Variants in PDE8B observed in about 807,000 individuals in gnomAD.
PDE8B encodes high affinity cAMP-specific and IBMX-insensitive 3',5'-cyclic phosphodiesterase 8B.
PDE8B carries 26 observed loss-of-function variants against 101.3 expected under a neutral mutation model. That is an observed-to-expected ratio of 0.26 (90% CI 0.19 to 0.36). The LOEUF is 0.36. Among genes scored for constraint, PDE8B ranks in the 10% least tolerant of loss-of-function variants. The pLI, the probability that PDE8B is intolerant of heterozygous loss-of-function variation, is 1.00. For synonymous variants in PDE8B, 424 were observed against 429.3 expected (o/e 0.99, Z 0.15); for missense variants, 810 against 1,163.1 (o/e 0.70, Z 4.42).
intron 1 of PDE8B, among the ~76,000 whole-genome samples, chr5:77,305,913 AG>A (rs1771095563): frequency 6.6e-6 from 1 of 152,190 alleles, no homozygotes; most frequent in Admixed American, 6.5e-5. Context: ...GCTTGCCTTA[AG>A]CTGTGTGTGT....
At chr5:77,223,149 C>T (rs979734976) in intron 1 of PDE8B, among the ~76,000 whole-genome samples, 7 of 152,092 alleles carry the variant, frequency 4.6e-5, no homozygotes, top group Admixed American at 4.6e-4. Context: ...AGTACATGTT[C>T]ACTTAACCAG....
intron 1 of PDE8B, among the ~76,000 whole-genome samples, chr5:77,266,107 C>T (rs867201387): frequency 1.3e-5 from 2 of 152,172 alleles, no homozygotes; most frequent in African/African-American, 4.8e-5. Flanking sequence ...GAAGTACAGT[C>T]GATCCTCATT....
At chr5:77,121,090 A>G in the PDE8B span, among the ~76,000 whole-genome samples, 1 of 152,374 alleles carries the variant, frequency 6.6e-6, no homozygotes, top group Non-Finnish European at 1.5e-5. Flanking sequence ...GTGTCTTACA[A>G]CAAACGAACA....
intron 10 of PDE8B, among the ~76,000 whole-genome samples, chr5:77,355,137 G>A (rs1345663202): frequency 2.0e-5 from 3 of 152,174 alleles, no homozygotes; most frequent in Non-Finnish European, 4.4e-5. Context: ...GGGAGAGCAG[G>A]CAAGCCCTTA....
At chr5:77,309,214 AAGGG>A (rs1422819244) in intron 1 of PDE8B, among the ~76,000 whole-genome samples, 23 of 102,698 alleles carry the variant, frequency 2.2e-4, no homozygotes, top group African/African-American at 6.8e-4. Context: ...GAAAGGAAGG[AAGGG>A]AGGGAGGGAG....
At chr5:77,259,064 A>ACCC (rs1759843918) in intron 1 of PDE8B, among the ~76,000 whole-genome samples, 1 of 82,772 alleles carries the variant, frequency 1.2e-5, no homozygotes, top group African/African-American at 4.9e-5. Context: ...ACACACACAC[A>ACCC]CACACCCCCG....
In PDE8B at chr5:77,418,548, C is replaced by T. The variant is rs997078699; in HGVS notation, c.2129+102C>T. 3.4e-5 allele frequency: 28 copies of T among 816,030 alleles called. No individual in the cohort carries two copies. The African/African-American group carries it at 4.2e-4, about 12-fold the overall frequency. The allele number at this position is 816,030 out of a possible 1,614,324, so 50.5% of individuals were successfully genotyped here. A position where few individuals can be genotyped will look rare whatever the true frequency, so the allele number is the denominator to read the frequency against. Reference sequence around the variant, plus strand: ...GGGAAAGGGAAAATATTAGCTGTCCCACTGTACCAGATGATAAAATAACCT... The same window carrying T: ...GGGAAAGGGAAAATATTAGCTGTCCTACTGTACCAGATGATAAAATAACCT... On this transcript the variant is annotated intron_variant, in intron 18 of 21. Transcript: ENST00000264917.
chr5:77,321,084 T>C (rs968679071), intron 2 of PDE8B, among the ~76,000 whole-genome samples: 10 of 151,406 alleles, frequency 6.6e-5, no homozygotes, highest in African/African-American at 2.4e-4. Flanking sequence ...AGGGTGTCCA[T>C]GGGCCATCTC....
At chr5:77,238,398 C>T (rs1403471183) in intron 1 of PDE8B, among the ~76,000 whole-genome samples, 1 of 152,174 alleles carries the variant, frequency 6.6e-6, no homozygotes, top group Non-Finnish European at 1.5e-5. Flanking sequence ...ATCCTTTAGT[C>T]ATCAGATTTT....
the PDE8B span, among the ~76,000 whole-genome samples, chr5:77,198,411 T>C: frequency 6.6e-6 from 1 of 152,162 alleles, no homozygotes; most frequent in Non-Finnish European, 1.5e-5. Flanking sequence ...CAAGTGCCCC[T>C]CTATGTTTCT....
At chr5:77,368,158 T>C (rs1451167520) in intron 10 of PDE8B, among the ~76,000 whole-genome samples, 7 of 152,206 alleles carry the variant, frequency 4.6e-5, no homozygotes, top group African/African-American at 1.7e-4. Flanking sequence ...CCATCTCTCT[T>C]ATTCCTTTGG....
intron 1 of PDE8B, among the ~76,000 whole-genome samples, chr5:77,274,114 G>A (rs1244728937): frequency 1.3e-5 from 2 of 152,208 alleles, no homozygotes; most frequent in Admixed American, 1.3e-4. Context: ...GAACCATCTT[G>A]CCCAGCTAGT....
chr5:77,168,586 A>G, the PDE8B span, among the ~76,000 whole-genome samples: 1 of 152,366 alleles, frequency 6.6e-6, no homozygotes, highest in East Asian at 1.9e-4. Flanking sequence ...GCTGGGGCGA[A>G]GGCAAGTCAT....
chr5:77,110,429 G>A, the PDE8B span, among the ~76,000 whole-genome samples: 1 of 152,120 alleles, frequency 6.6e-6, no homozygotes, highest in Non-Finnish European at 1.5e-5. Flanking sequence ...AAAACTATGG[G>A]TTTCTAATGA....
the PDE8B span, among the ~76,000 whole-genome samples, chr5:77,176,442 TA>T: frequency 1.3e-5 from 2 of 152,274 alleles, no homozygotes; most frequent in Admixed American, 6.5e-5. Context: ...CGAAGCAATT[TA>T]AAAAAACATT....
upstream of PDE8B, among the ~76,000 whole-genome samples, chr5:77,209,377 A>C (rs572420722): frequency 5.9e-5 from 9 of 152,266 alleles, no homozygotes; most frequent in South Asian, 2.1e-4. Flanking sequence ...TGAAAAAAAA[A>C]CAAAAAACAA....
chr5:77,300,324 TTTGA>T (rs1385238811), intron 1 of PDE8B, among the ~76,000 whole-genome samples: 3 of 152,226 alleles, frequency 2.0e-5, no homozygotes, highest in Admixed American at 6.5e-5. Context: ...AGAAATATAC[TTTGA>T]TTGAACACAA....
intron 10 of PDE8B, among the ~76,000 whole-genome samples, chr5:77,383,206 T>C (rs1787860313): frequency 1.3e-5 from 2 of 152,250 alleles, no homozygotes; most frequent in African/African-American, 4.8e-5. Context: ...GAGCTTTCTT[T>C]CATATGTTTG....
At chr5:77,092,783 G>T in the PDE8B span, among the ~76,000 whole-genome samples, 1 of 152,036 alleles carries the variant, frequency 6.6e-6, no homozygotes, top group Admixed American at 6.6e-5. Flanking sequence ...ACCCCAGCAT[G>T]GTAGCACACA....
Sources: allele counts gnomAD v4.1 joint callset (sites outside exome capture counted in the v4.1 genomes callset), GRCh38; gene constraint gnomAD v4.1.1; transcripts MANE v1.5; gene names NCBI Gene and HGNC (gene_info 2026-07-23, HGNC 2026-07-21).